MOV10L1: variants seen among roughly 807,000 people sequenced by gnomAD.
MOV10L1 encodes Mov10 like RNA helicase 1, also known as RNA helicase Mov10l1.
Under a neutral mutation model 143.8 loss-of-function variants are expected in MOV10L1, and 110 were observed. The observed-to-expected ratio is 0.76, with a 90% CI of 0.66 to 0.90. MOV10L1 has a LOEUF of 0.90. Among genes scored for constraint, MOV10L1 ranks in the 40% least tolerant of loss-of-function variants. The pLI, the probability that MOV10L1 is intolerant of heterozygous loss-of-function variation, is 0.00. For missense variants in MOV10L1, 1,406 were observed against 1,526.8 expected (o/e 0.92, Z 1.32); for synonymous variants, 593 against 581.1 (o/e 1.02, Z -0.29).
chr22:50,132,958 C>A (rs1303288957), intron 13 of MOV10L1, among the ~76,000 whole-genome samples: 1 of 152,102 alleles, frequency 6.6e-6, no homozygotes, highest in African/African-American at 2.4e-5. Flanking sequence ...ATTGCTTGAA[C>A]CCAGGAGGCG....
At chr22:50,147,156 G>A in intron 19 of MOV10L1, 1 of 1,590,042 alleles carries the variant, frequency 6.3e-7, no homozygotes, top group Non-Finnish European at 8.6e-7. Context: ...TCAGGTAGTG[G>A]GAGGAGGTGG....
At chr22:50,135,287 C>T (rs1209472211) in intron 15 of MOV10L1, among the ~76,000 whole-genome samples, 2 of 151,342 alleles carry the variant, frequency 1.3e-5, no homozygotes, top group Non-Finnish European at 2.9e-5. Flanking sequence ...GCTGGAATTA[C>T]AGGCGTGAGC....
chr22:50,140,584 T>C (rs142903615), intron 15 of MOV10L1, among the ~76,000 whole-genome samples: 2 of 152,232 alleles, frequency 1.3e-5, no homozygotes, highest in East Asian at 3.9e-4. Flanking sequence ...CACAAAAAAA[T>C]CTTATAGTGT....
chr22:50,120,643 G>C (rs750969584), intron 10 of MOV10L1, 27 bp downstream of exon 10: 5 of 1,488,642 alleles, frequency 3.4e-6, no homozygotes, highest in Admixed American at 3.5e-5. Flanking sequence ...GGCCTGTGGG[G>C]TGTTGGCATC....
chr22:50,142,844 A>G (rs915206778), intron 16 of MOV10L1, among the ~76,000 whole-genome samples, 199 bp from the exon 17 acceptor site: 16 of 150,998 alleles, frequency 1.1e-4, no homozygotes, highest in African/African-American at 3.7e-4. Context: ...TCAAAAAAGA[A>G]AAAAAAAATG....
rs540791040 is a variant in MOV10L1, at chr22:50,142,750, C to G, written c.2180-293C>G. Among the ~76,000 whole-genome samples, 7 of 151,830 alleles carry G rather than the reference C, an allele frequency of 4.6e-5. No individual in the cohort carries two copies. The South Asian group carries it at 1.5e-3, about 32-fold the overall frequency. On this transcript the variant is annotated intron_variant, in intron 16 of 26. Transcript: ENST00000262794. The stretch of plus-strand genomic sequence containing the variant: ...ACCCGGGAGGCTGACGTGGGAGGAT[C>G]GCTTGAGCTCAGGAGATGGAGGTTA...
intron 9 of MOV10L1, 129 bp downstream of exon 9, chr22:50,117,480 A>C (rs1303916274): frequency 2.1e-6 from 2 of 933,506 alleles, no homozygotes; most frequent in Non-Finnish European, 3.1e-6. Flanking sequence ...GCTGGGGTTC[A>C]AGCCTCTTTC....
intron 5 of MOV10L1, among the ~76,000 whole-genome samples, chr22:50,111,234 G>C (rs2062014354): frequency 6.6e-6 from 1 of 152,186 alleles, no homozygotes; most frequent in South Asian, 2.1e-4. Context: ...AAAGAGAAAA[G>C]TGGGCTGGAG....
chr22:50,152,815 C>T lies in MOV10L1; in HGVS notation c.2893-230C>T, dbSNP rs1327464796. Among the ~76,000 whole-genome samples the T allele has an allele frequency of 6.6e-6, 1 of 152,172 alleles. No individual in the cohort carries two copies. The highest frequency in any genetic ancestry group is 2.4e-5 in the African/African-American group (1 of 41,440). On this transcript the variant is annotated intron_variant, in intron 21 of 26. Transcript: ENST00000262794. The surrounding 1 kb of genome is among the most constrained non-coding windows in gnomAD (Gnocchi z 4.4). ...ACCCAGGAGAGGAACAGAGGGCAGCCGTCACACCCTTTTCTTCCTGATGTT... is the reference window on the plus strand; with the variant it reads ...ACCCAGGAGAGGAACAGAGGGCAGCTGTCACACCCTTTTCTTCCTGATGTT...
At chr22:50,091,012 T>G (rs74706100) in intron 1 of MOV10L1, 3,436 of 173,374 alleles carry the variant, frequency 0.02, 144 homozygotes, top group African/African-American at 0.077. Flanking sequence ...CGATGTTTCC[T>G]TATGTGGGAA....
chr22:50,126,143 A>T (rs1013917934), intron 11 of MOV10L1, 59 bp from the exon 12 acceptor site: 8 of 1,244,536 alleles, frequency 6.4e-6, no homozygotes, highest in Middle Eastern at 1.9e-4. Context: ...TTTATAGGAC[A>T]GCACAGAAAT....
chr22:50,140,282 G>A (rs532531776), intron 15 of MOV10L1, among the ~76,000 whole-genome samples: 156 of 152,328 alleles, frequency 1.0e-3, no homozygotes, highest in African/African-American at 3.5e-3. Flanking sequence ...GGCACAAGGC[G>A]GCTCTGGGGA....
intron 3 of MOV10L1, among the ~76,000 whole-genome samples, chr22:50,106,997 G>A (rs966381565): frequency 3.3e-5 from 5 of 151,246 alleles, no homozygotes; most frequent in South Asian, 2.1e-4. Flanking sequence ...CACCATGCCC[G>A]GCCAGGACAT....
At chr22:50,131,062 AAT>A (rs2062661665) in intron 13 of MOV10L1, among the ~76,000 whole-genome samples, 2 of 85,234 alleles carry the variant, frequency 2.3e-5, no homozygotes, top group South Asian at 4.1e-4. Context: ...ACGCCCGGCT[AAT>A]TTTTTTTTTT....
At chr22:50,114,753 C>G (rs961653302) in intron 7 of MOV10L1, 131 bp downstream of exon 7, 26 of 1,360,040 alleles carry the variant, frequency 1.9e-5, no homozygotes, top group Non-Finnish European at 2.5e-5. Context: ...GCTCTGAGCT[C>G]TTCGGCTTCA....
rs1016476093 is a variant in MOV10L1, at chr22:50,161,624, G to A, written c.*175G>A. On this transcript the variant is annotated 3_prime_UTR_variant, in exon 27 of 27. Coordinates refer to ENST00000262794, the MANE Select transcript of MOV10L1 (RefSeq NM_018995.3). Reference sequence around the variant, plus strand: ...GCTGCCCTGACTTTGGCATATGCCAGCCTGTTCCTGCCACAGGGCAGTCAC... The same window carrying A: ...GCTGCCCTGACTTTGGCATATGCCAACCTGTTCCTGCCACAGGGCAGTCAC... 3.6e-5 allele frequency: 21 copies of A among 590,040 alleles called. No individual in the cohort carries two copies. Among genetic ancestry groups the A allele is most frequent in the Non-Finnish European group, 5.3e-5 (18 of 342,688 alleles). 36.6% of individuals were successfully genotyped at this position (590,040 alleles called of 1,614,324 possible). A position where few individuals can be genotyped will look rare whatever the true frequency, so the allele number is the denominator to read the frequency against.
rs1378264449 is a variant in MOV10L1, at chr22:50,152,344, C to T, written c.2893-701C>T. ...AGTCCTCATGCCAATACATGGGTCA[C>T]GTGATGAGCAGGGTCAAGACTGAGC... is the stretch of plus-strand genomic sequence containing the variant. On this transcript the variant is annotated intron_variant, in intron 21 of 26. Transcript: ENST00000262794. This position sits in a 1 kb window ranked among gnomAD's most constrained non-coding sequence, Gnocchi z 4.4. Among the ~76,000 whole-genome samples, 1 of 152,212 alleles carries T rather than the reference C, an allele frequency of 6.6e-6. No homozygotes were observed. Among genetic ancestry groups the T allele is most frequent in the African/African-American group, 2.4e-5 (1 of 41,456 alleles).
chr22:50,156,750 T>C (rs1179248961), intron 22 of MOV10L1, among the ~76,000 whole-genome samples: 1 of 152,248 alleles, frequency 6.6e-6, no homozygotes, highest in African/African-American at 2.4e-5. Flanking sequence ...GTATACACCA[T>C]ACTTGGCGTA....
chr22:50,109,832 G>A (rs1313207029), intron 5 of MOV10L1, among the ~76,000 whole-genome samples: 1 of 151,396 alleles, frequency 6.6e-6, no homozygotes, highest in Non-Finnish European at 1.5e-5. Flanking sequence ...ACACAGCAAG[G>A]CTCTGTCTTA....
Sources: gnomAD v4.1 joint callset for allele counts (sites outside exome capture counted in the v4.1 genomes callset) on GRCh38, gnomAD v4.1.1 for gene constraint, Gnocchi (gnomAD v3.1) non-coding constraint, MANE v1.5 for transcripts, NCBI Gene and HGNC (gene_info 2026-07-23, HGNC 2026-07-21) for gene names.